COL23A1: variants seen among roughly 807,000 people sequenced by gnomAD.
The protein encoded by COL23A1 is collagen type XXIII alpha 1 chain, also known as collagen alpha-1(XXIII) chain.
In COL23A1, 97 loss-of-function variants were observed where a neutral mutation model predicts 99.3. The ratio of observed to expected loss-of-function variants is 0.98; its 90% confidence interval spans 0.83 to 1.16. The LOEUF is 1.16. COL23A1 is among the 50% of genes most tolerant of loss of function. The pLI is 0.00. For missense variants in COL23A1, 762 were observed against 757.4 expected, an observed-to-expected ratio of 1.01 and a Z score of -0.07; for synonymous variants, 320 against 308.2, an observed-to-expected ratio of 1.04 and a Z score of -0.40.
chr5:178,348,135 G>A (rs1761093742), intron 2 of COL23A1, among the ~76,000 whole-genome samples: 2 of 151,742 alleles, frequency 1.3e-5, no homozygotes, highest in African/African-American at 2.4e-5. Flanking sequence ...TTCCCATCCA[G>A]CTCCAGCTGC....
chr5:178,489,059 C>G (rs1002359324), intron 2 of COL23A1, among the ~76,000 whole-genome samples: 4 of 152,202 alleles, frequency 2.6e-5, no homozygotes, highest in Non-Finnish European at 4.4e-5. Context: ...GTCGACCTGA[C>G]TGGATGGAGG....
At chr5:178,238,777 C>T in intron 28 of COL23A1, 77 bp from the exon 29 acceptor site, 4 of 1,570,016 alleles carry the variant, frequency 2.5e-6, no homozygotes, top group Non-Finnish European at 3.5e-6. Flanking sequence ...CTTGCCTGGC[C>T]TCCCCGGTCC....
intron 2 of COL23A1, among the ~76,000 whole-genome samples, chr5:178,512,425 A>C (rs1411087698): frequency 6.6e-6 from 1 of 152,228 alleles, no homozygotes; most frequent in Non-Finnish European, 1.5e-5. Context: ...TTCCTGAACC[A>C]GATATATCCC....
chr5:178,412,310 G>A (rs1765095857), intron 2 of COL23A1, among the ~76,000 whole-genome samples: 1 of 152,088 alleles, frequency 6.6e-6, no homozygotes, highest in Non-Finnish European at 1.5e-5. Context: ...TTTTCTGTAA[G>A]GATATATAAT....
At chr5:178,359,601 T>C (rs1054611318) in intron 2 of COL23A1, among the ~76,000 whole-genome samples, 1 of 152,206 alleles carries the variant, frequency 6.6e-6, no homozygotes, top group African/African-American at 2.4e-5. Context: ...TCATTTTCCT[T>C]GTCTGGTTAA....
chr5:178,286,317 T>C (rs1259142487), intron 5 of COL23A1, among the ~76,000 whole-genome samples: 1 of 152,022 alleles, frequency 6.6e-6, no homozygotes, highest in African/African-American at 2.4e-5. Flanking sequence ...GGACCCCAGC[T>C]CTCTTCCTTC....
In COL23A1 at chr5:178,533,364, C is replaced by T. The variant is rs536914371; in HGVS notation, c.361+27318G>A. On this transcript the variant is annotated intron_variant, in intron 2 of 28. Transcript: ENST00000390654. ...ATGGAATAACTCCCTCAGCCCGTGG[C>T]AACCGTGACTCCACTCCTTCTCCAG... Among the ~76,000 whole-genome samples, 22 of 152,330 alleles carry T rather than the reference C, an allele frequency of 1.4e-4. No individual in the cohort carries two copies. In the South Asian group the frequency reaches 4.1e-3, roughly 29 times the overall value.
chr5:178,498,314 T>A (rs975846886), intron 2 of COL23A1, among the ~76,000 whole-genome samples: 2 of 146,744 alleles, frequency 1.4e-5, no homozygotes, highest in African/African-American at 5.0e-5. Context: ...ACATTTTACC[T>A]TTAAAGGCAT....
In COL23A1 at chr5:178,307,404, C is replaced by G. The variant is rs1366632355; in HGVS notation, c.362-485G>C. Among the ~76,000 whole-genome samples the G allele has an allele frequency of 6.6e-6, 1 of 152,262 alleles. No homozygotes were observed. Among genetic ancestry groups the G allele is most frequent in the Non-Finnish European group, 1.5e-5 (1 of 68,050 alleles). Reference sequence around the variant, plus strand: ...CACGGCCGCGCAGCGCCGAAATCCACTCATGACAGGCACTACACGATCCGC... The same window carrying G: ...CACGGCCGCGCAGCGCCGAAATCCAGTCATGACAGGCACTACACGATCCGC... On this transcript the variant is annotated intron_variant, in intron 2 of 28. Coordinates refer to ENST00000390654, the MANE Select transcript of COL23A1 (RefSeq NM_173465.4). The surrounding 1 kb of genome is among the most constrained non-coding windows in gnomAD (Gnocchi z 4.2).
At chr5:178,447,143 G>C (rs1426256834) in intron 2 of COL23A1, among the ~76,000 whole-genome samples, 1 of 151,444 alleles carries the variant, frequency 6.6e-6, no homozygotes, top group African/African-American at 2.4e-5. Context: ...ACCCAGGCTG[G>C]AGTGCAGAGG....
chr5:178,256,480 TC>T, intron 14 of COL23A1, 83 bp from the exon 15 acceptor site: 1 of 1,353,114 alleles, frequency 7.4e-7, no homozygotes, highest in Non-Finnish European at 1.0e-6. Context: ...AGTCCCCTCT[TC>T]CCAGGAGGGC....
chr5:178,254,887 G>A (rs369954155), intron 16 of COL23A1, 62 bp downstream of exon 16: 162 of 1,408,644 alleles, frequency 1.2e-4, no homozygotes, highest in Non-Finnish European at 1.5e-4. Context: ...CACAAAGGGA[G>A]TGATTATTCC....
At chr5:178,374,842 C>A (rs1762986611) in intron 2 of COL23A1, among the ~76,000 whole-genome samples, 1 of 152,140 alleles carries the variant, frequency 6.6e-6, no homozygotes, top group Non-Finnish European at 1.5e-5. Context: ...CACAGAGTTA[C>A]CCTGAGACTC....
At chr5:178,358,244 G>GTA (rs1491334693) in intron 2 of COL23A1, among the ~76,000 whole-genome samples, 2 of 126,784 alleles carry the variant, frequency 1.6e-5, no homozygotes, top group Admixed American at 8.0e-5. Context: ...GTGTGTATGT[G>GTA]TATGTGTGTG....
intron 2 of COL23A1, among the ~76,000 whole-genome samples, chr5:178,531,345 C>T (rs1026822050): frequency 5.9e-5 from 9 of 152,172 alleles, no homozygotes; most frequent in African/African-American, 2.2e-4. Context: ...GGGGTGGGAA[C>T]CCAGGTCTCT....
intron 2 of COL23A1, among the ~76,000 whole-genome samples, chr5:178,370,650 C>T (rs1329523152): frequency 6.6e-6 from 1 of 152,158 alleles, no homozygotes; most frequent in African/African-American, 2.4e-5. Context: ...AGATGGGTTG[C>T]ACCCAGGAGA....
chr5:178,385,064 T>G (rs995885489), intron 2 of COL23A1, among the ~76,000 whole-genome samples: 9 of 152,140 alleles, frequency 5.9e-5, no homozygotes, highest in Non-Finnish European at 2.9e-5. Context: ...CAGCCCCTGG[T>G]GGCTGGACTC....
At chr5:178,305,294 C>T (rs529288761) in intron 3 of COL23A1, among the ~76,000 whole-genome samples, 9 of 126,096 alleles carry the variant, frequency 7.1e-5, no homozygotes, top group Admixed American at 2.4e-4. Context: ...AGGGTCTCTG[C>T]GTAAGGAACT....
chr5:178,406,059 C>A (rs190086828), intron 2 of COL23A1, among the ~76,000 whole-genome samples: 63 of 152,210 alleles, frequency 4.1e-4, no homozygotes, highest in Non-Finnish European at 6.6e-4. Context: ...GCTGAGATTG[C>A]GCCACTGCAC....
Sources: allele counts gnomAD v4.1 joint callset (sites outside exome capture counted in the v4.1 genomes callset), GRCh38; gene constraint gnomAD v4.1.1; non-coding constraint Gnocchi (gnomAD v3.1); transcripts MANE v1.5; gene names NCBI Gene and HGNC (gene_info 2026-07-23, HGNC 2026-07-21).